Variants in BAIAP2L2 observed in about 807,000 individuals in gnomAD.
BAIAP2L2 encodes the protein BAR/IMD domain-containing adapter protein 2-like 2.
In BAIAP2L2, 65 loss-of-function variants were observed where a neutral mutation model predicts 60.4. The ratio of observed to expected loss-of-function variants is 1.08; its 90% CI spans 0.88 to 1.32. The LOEUF is 1.32. Among genes scored for constraint, BAIAP2L2 ranks in the 40% most tolerant of loss-of-function variants. BAIAP2L2 has a pLI of 0.00. For missense variants in BAIAP2L2, 836 were observed against 741.2 expected (o/e 1.13, Z -1.48); for synonymous variants, 344 against 301.7 (o/e 1.14, Z -1.45).
intron 5 of BAIAP2L2, 97 bp from the exon 6 acceptor site, chr22:38,098,276 G>A: frequency 6.7e-7 from 1 of 1,482,862 alleles, no homozygotes; most frequent in South Asian, 1.1e-5. Context: ...TTGGAGACTT[G>A]GGGCTCAGCT....
intron 5 of BAIAP2L2, 51 bp from the exon 6 acceptor site, chr22:38,098,230 C>A: frequency 6.3e-7 from 1 of 1,578,584 alleles, no homozygotes; most frequent in Non-Finnish European, 8.7e-7. Context: ...TCAGAGAGCT[C>A]AAGACACCCC....
rs1442087788 is a variant in BAIAP2L2 at position 38,089,090 on chromosome 22, A to G, written c.901+6T>C. On this transcript the variant is annotated splice_donor_region_variant and intron_variant, in intron 9 of 13. Transcript: ENST00000381669. ...CCTCCTGCCGCCCCGGGGCGGGGGC[A>G]CTCACAGGCCGACGGCGTGCGGGGC... The G allele has an allele frequency of 2.9e-6, 4 of 1,376,440 alleles. No homozygotes were observed. The highest frequency in any genetic ancestry group is 3.7e-6 in the Non-Finnish European group (4 of 1,071,572). The allele number at this position is 1,376,440 out of a possible 1,614,324, so 85.3% of individuals were successfully genotyped here. A position where few individuals can be genotyped will look rare whatever the true frequency, so the allele number is the denominator to read the frequency against.
At position 38,109,965 on chromosome 22, in the gene BAIAP2L2, T is replaced by G. The variant is rs150333206; in HGVS notation, c.51+510A>C. 4.3e-3 allele frequency among the ~76,000 whole-genome samples: 629 copies of G among 146,518 alleles called. 4 individuals carry two copies. Among genetic ancestry groups the G allele is most frequent in the African/African-American group, 0.015 (603 of 39,166 alleles). On this transcript the variant is annotated intron_variant, in intron 1 of 13. Coordinates refer to ENST00000381669, the MANE Select transcript of BAIAP2L2 (RefSeq NM_025045.6). ...GCACACAGGAGGCGCTCAATAAATG[T>G]CTGTGGCGGCTGCAACAACCCCCCG...
In BAIAP2L2 at chr22:38,095,246, C is replaced by G. The variant is rs73421926; in HGVS notation, c.612+1786G>C. On this transcript the variant is annotated intron_variant, in intron 7 of 13. Coordinates refer to ENST00000381669, the MANE Select transcript of BAIAP2L2 (RefSeq NM_025045.6). ...GACTAGTGAGGTCTGAAACTAAGTC[C>G]TAAACTATCTTGGCAAAACCAGGAA... Among the ~76,000 whole-genome samples the G allele has an allele frequency of 9.4e-3, 1,433 of 152,238 alleles. 27 individuals are homozygous for G. The highest frequency in any genetic ancestry group is 0.033 in the African/African-American group (1,371 of 41,544).
chr22:38,109,181 G>T lies in BAIAP2L2; in HGVS notation c.79C>A (p.Leu27Met). ...KSIMEQFNPA[L>M]ENLVYLGNNY... ...TTGCCCAGGTACACCAGGTTCTCCA[G>T]GGCGGGGTTAAACTGCTCCATGATG... Residue 27 changes from leucine to methionine, a missense_variant, in exon 2 of 14, where the codon CTG (leucine) becomes ATG (methionine). Leu to Met is a conservative substitution (Grantham distance 15, BLOSUM62 2). Coordinates refer to ENST00000381669, the MANE Select transcript of BAIAP2L2 (RefSeq NM_025045.6). The T allele has an allele frequency of 6.2e-7, 1 of 1,613,204 alleles. No homozygotes were observed. The highest frequency in any genetic ancestry group is 8.5e-7 in the Non-Finnish European group (1 of 1,179,620).
rs748353233 is a variant in BAIAP2L2, at chr22:38,097,190, C to A, written c.466-12G>T. On this transcript the variant is annotated splice_polypyrimidine_tract_variant and intron_variant, in intron 6 of 13. Transcript: ENST00000381669. ...CGGTTCACACTCTCCTGGGGGGGAA[C>A]GGGAGTTCTGGCTGGGGGCGGTGGG... is the stretch of plus-strand genomic sequence containing the variant. 2.4e-5 allele frequency: 38 copies of A among 1,609,432 alleles called. 1 individual carries two copies. The South Asian group carries it at 4.1e-4, about 17-fold the overall frequency.
intron 7 of BAIAP2L2, chr22:38,091,321 G>A (rs1360552357): frequency 6.6e-6 from 1 of 152,240 alleles, no homozygotes; most frequent in Non-Finnish European, 1.5e-5. Context: ...CTCACAAAGT[G>A]CTGGGATTAC....
chr22:38,088,987 G>A, intron 9 of BAIAP2L2, 23 bp from the exon 10 acceptor site: 2 of 1,481,786 alleles, frequency 1.3e-6, no homozygotes, highest in Middle Eastern at 1.8e-4. Flanking sequence ...GAGCGCGGCG[G>A]CACGTGGGCA....
intron 10 of BAIAP2L2, among the ~76,000 whole-genome samples, chr22:38,087,687 AC>A (rs934349306): frequency 6.6e-6 from 1 of 151,114 alleles, no homozygotes; most frequent in African/African-American, 2.4e-5. Flanking sequence ...CCCTGTGGTC[AC>A]CCGCCCAGCT....
At position 38,108,856 on chromosome 22, in the gene BAIAP2L2, C is replaced by T. The variant is rs577113684; in HGVS notation, c.127+277G>A. 1.6e-4 allele frequency among the ~76,000 whole-genome samples: 24 copies of T among 151,912 alleles called. No individual in the cohort carries two copies. In the East Asian group the frequency reaches 4.5e-3, roughly 28 times the overall value. ...AGGGGCTGCCCTGGGGCTGTGTGGG[C>T]CTGCAGGGCCTGGTACTGCATCATG... is the stretch of plus-strand genomic sequence containing the variant. On this transcript the variant is annotated intron_variant, in intron 2 of 13. Transcript: ENST00000381669.
intron 4 of BAIAP2L2, among the ~76,000 whole-genome samples, chr22:38,104,010 G>A (rs2086615133): frequency 6.6e-6 from 1 of 152,164 alleles, no homozygotes; most frequent in African/African-American, 2.4e-5. Flanking sequence ...ACATAATGGT[G>A]TTAGTAAAAA....
chr22:38,087,311 G>A (rs1480683283), intron 10 of BAIAP2L2, 47 bp from the exon 11 acceptor site: 2 of 1,567,008 alleles, frequency 1.3e-6, no homozygotes, highest in Non-Finnish European at 1.7e-6. Flanking sequence ...GCCAGGCCTG[G>A]GGACAATGAC....
chr22:38,088,927 G>C lies in BAIAP2L2; in HGVS notation c.939C>G (p.Ser313=). Residue 313 remains serine (S), a synonymous_variant, in exon 10 of 14, where the codon TCC becomes TCG. Transcript: ENST00000381669. The part of the protein sequence containing the change: ...LYSGSAQSSR[S]NSFGERPGGG... ...CGCCCGGGCGCTCGCCAAAGGAGTT[G>C]GAGCGCGAGCTTTGGGCGCTGCCGC... 6.5e-7 allele frequency: 1 copy of C among 1,544,692 alleles called. No individual in the cohort carries two copies. Among genetic ancestry groups the C allele is most frequent in the Non-Finnish European group, 8.7e-7 (1 of 1,152,014 alleles).
At chr22:38,103,862 CA>C (rs35813107) in intron 4 of BAIAP2L2, among the ~76,000 whole-genome samples, 240 of 109,340 alleles carry the variant, frequency 2.2e-3, no homozygotes, top group African/African-American at 5.0e-3. Flanking sequence ...GACTCCATGT[CA>C]AAAAAAAAAA....
Position 38,110,108 on chromosome 22 carries a change from GGA to G in BAIAP2L2, c.51+365_51+366del, listed in dbSNP as rs1569234235. On this transcript the variant is annotated intron_variant, in intron 1 of 13. Coordinates refer to ENST00000381669, the MANE Select transcript of BAIAP2L2 (RefSeq NM_025045.6). ...CAGAGAGAGAGAGAGACAGAGAGAGGGAGAGAGAGAGGGAGAGAGAGAGAGAG... is the reference window on the plus strand; with the variant it reads ...CAGAGAGAGAGAGAGACAGAGAGAGGGAGAGAGAGGGAGAGAGAGAGAGAG... 5.1e-3 allele frequency among the ~76,000 whole-genome samples: 16 copies of G among 3,142 alleles called. 1 individual carries two copies. The highest frequency in any genetic ancestry group is 8.0e-3 in the African/African-American group (15 of 1,864). 2.1% of individuals were successfully genotyped at this position (3,142 alleles called of 152,430 possible). A position where few individuals can be genotyped will look rare whatever the true frequency, so the allele number is the denominator to read the frequency against.
intron 8 of BAIAP2L2, 21 bp downstream of exon 8, chr22:38,089,474 GGGGGGCGGCGGGGGCGCGAACGGCGGC>G (rs2086224225): frequency 1.5e-5 from 16 of 1,094,696 alleles, no homozygotes; most frequent in African/African-American, 3.3e-5. Flanking sequence ...GGGCCCCCGC[GGGGGGCGGCGGGGGCGCGAACGGCGGC>G]GGGGGCGCCC....
At position 38,109,226 on chromosome 22, in the gene BAIAP2L2, G is replaced by A; in HGVS notation, c.52-18C>T. The A allele has an allele frequency of 6.3e-7, 1 of 1,596,574 alleles. No individual in the cohort carries two copies. Among genetic ancestry groups the A allele is most frequent in the Non-Finnish European group, 8.6e-7 (1 of 1,164,816 alleles). ...ATGATGCTCTGGACCCCAGGGTCAG[G>A]GGAGGAAAAAGGTGTAGAGATGGGG... On this transcript the variant is annotated intron_variant, in intron 1 of 13. Coordinates refer to ENST00000381669, the MANE Select transcript of BAIAP2L2 (RefSeq NM_025045.6).
chr22:38,089,094 A>C lies in BAIAP2L2; in HGVS notation c.901+2T>G. 2 of 1,376,616 alleles carry C rather than the reference A, an allele frequency of 1.5e-6. No individual in the cohort carries two copies. Among genetic ancestry groups the C allele is most frequent in the Non-Finnish European group, 1.9e-6 (2 of 1,071,692 alleles). The allele number at this position is 1,376,616 out of a possible 1,614,324, so 85.3% of individuals were successfully genotyped here. A position where few individuals can be genotyped will look rare whatever the true frequency, so the allele number is the denominator to read the frequency against. On this transcript the variant is annotated splice_donor_variant, in intron 9 of 13. Coordinates refer to ENST00000381669, the MANE Select transcript of BAIAP2L2 (RefSeq NM_025045.6). LOFTEE classifies it high-confidence loss of function. ...CTGCCGCCCCGGGGCGGGGGCACTC[A>C]CAGGCCGACGGCGTGCGGGGCAGGG...
At chr22:38,098,583 C>T (rs2086498846) in intron 4 of BAIAP2L2, 101 bp from the exon 5 acceptor site, 1 of 867,506 alleles carries the variant, frequency 1.2e-6, no homozygotes, top group Non-Finnish European at 1.8e-6. Flanking sequence ...CCATCGTGCT[C>T]CTAATATACC....
Sources: allele counts gnomAD v4.1 joint callset (sites outside exome capture counted in the v4.1 genomes callset), GRCh38; gene constraint gnomAD v4.1.1; transcripts MANE v1.5; gene names NCBI Gene and HGNC (gene_info 2026-07-23, HGNC 2026-07-21).